CWC22: variants seen among roughly 807,000 people sequenced by gnomAD.
CWC22 encodes the protein pre-mRNA-splicing factor CWC22 homolog.
CWC22 carries 53 observed loss-of-function variants against 117.2 expected under a neutral mutation model. That is an observed-to-expected ratio of 0.45 (90% CI 0.36 to 0.57). The LOEUF (loss-of-function observed/expected upper bound fraction) is 0.57. CWC22 is among the 20% of genes least tolerant of loss of function. CWC22 has a pLI of 0.00. For synonymous variants in CWC22, 360 were observed against 355.6 expected (o/e 1.01, Z -0.14); for missense variants, 980 against 1,068.8 (o/e 0.92, Z 1.16).
At position 179,967,883 on chromosome 2, in the gene CWC22, C is replaced by T. The variant is rs6709587; in HGVS notation, c.1211-1901G>A. Among the ~76,000 whole-genome samples the T allele has an allele frequency of 5.1e-4, 78 of 152,030 alleles. 1 individual carries two copies. The highest frequency in any genetic ancestry group is 1.5e-3 in the African/African-American group (64 of 41,482). On this transcript the variant is annotated intron_variant, in intron 11 of 19. Transcript: ENST00000410053. ...CTATAGTTGTTAGATATTTGGCCAA[C>T]AATTTCTCAAATGCAAACAAACTGA... is the stretch of plus-strand genomic sequence containing the variant.
chr2:179,955,638 C>T (rs1686569993), intron 14 of CWC22, among the ~76,000 whole-genome samples: 1 of 151,872 alleles, frequency 6.6e-6, no homozygotes, highest in Non-Finnish European at 1.5e-5. Context: ...TGGATCTATA[C>T]AAATAAATGG....
intron 5 of CWC22, among the ~76,000 whole-genome samples, chr2:179,979,645 C>G (rs929258381): frequency 1.3e-5 from 2 of 152,078 alleles, no homozygotes; most frequent in Non-Finnish European, 2.9e-5. Flanking sequence ...AAAAAACAGA[C>G]TCACTTTGCG....
intron 1 of CWC22, among the ~76,000 whole-genome samples, chr2:179,999,126 T>C (rs1391887557): frequency 1.3e-5 from 2 of 152,152 alleles, no homozygotes; most frequent in Admixed American, 6.5e-5. Flanking sequence ...ACTGCTATCA[T>C]AGTTCTAACA....
At position 179,945,266 on chromosome 2, in the gene CWC22, A is replaced by C; in HGVS notation, c.2590T>G (p.Ser864Ala). The C allele has an allele frequency of 1.9e-6, 3 of 1,613,586 alleles. No homozygotes were observed. Among genetic ancestry groups the C allele is most frequent in the Non-Finnish European group, 2.5e-6 (3 of 1,179,790 alleles). ...SKEMNRKHSG[S>A]RSDEDRYQNG... ...TGATATCTATCTTCATCACTTCTTG[A>C]GCCTGAGTGCTTTCTATTCATTTCC... The change falls in exon 20 of 20, where the codon TCA becomes GCA. Residue 864 changes from serine (S) to alanine (A), a missense_variant. Coordinates refer to ENST00000410053, the MANE Select transcript of CWC22 (RefSeq NM_020943.3).
chr2:179,974,138 T>A (rs1245499476), intron 6 of CWC22, among the ~76,000 whole-genome samples: 3 of 152,186 alleles, frequency 2.0e-5, no homozygotes, highest in African/African-American at 7.2e-5. Context: ...TAACATTTTT[T>A]AAAAAGTAAA....
In CWC22 at chr2:179,945,376, C is replaced by A. The variant is rs1025032097; in HGVS notation, c.2480G>T (p.Arg827Ile). Residue 827 changes from arginine to isoleucine, a missense_variant, in exon 20 of 20, where the codon AGA becomes ATA. By Grantham distance (97) the Arg-to-Ile change is moderately conservative (BLOSUM62 -3). Around this residue, in one of 3 missense-constraint regions of CWC22, gnomAD observed 306 missense variants for 296.8 expected, o/e 1.03. Coordinates refer to ENST00000410053, the MANE Select transcript of CWC22 (RefSeq NM_020943.3). ...GDPKKKRGER[R>I]NSFSENEKHT... ...CTTCTCATTTTCAGAAAAAGAATTT[C>A]TTCTCTCTCCTCTCTTCTTTTTGGG... The A allele has an allele frequency of 1.9e-6, 3 of 1,566,182 alleles. No individual in the cohort carries two copies. Among genetic ancestry groups the A allele is most frequent in the South Asian group, 1.1e-5 (1 of 89,490 alleles).
At chr2:179,982,729 T>C (rs1171796136) in intron 4 of CWC22, among the ~76,000 whole-genome samples, 6 of 152,196 alleles carry the variant, frequency 3.9e-5, no homozygotes, top group Non-Finnish European at 8.8e-5. Context: ...TTTCTTAAGC[T>C]GAGGCTTTTA....
At chr2:179,978,569 T>C (rs1487761362) in intron 5 of CWC22, among the ~76,000 whole-genome samples, 1 of 152,136 alleles carries the variant, frequency 6.6e-6, no homozygotes, top group Non-Finnish European at 1.5e-5. Context: ...TAAGGATATA[T>C]AAGGATAACA....
intron 19 of CWC22, among the ~76,000 whole-genome samples, chr2:179,946,295 CA>C (rs1199721352): frequency 6.6e-6 from 1 of 151,238 alleles, no homozygotes; most frequent in Admixed American, 6.6e-5. Context: ...ACAAAAAATT[CA>C]AAAAATTAGC....
In CWC22 at chr2:179,945,197, C is replaced by G; in HGVS notation, c.2659G>C (p.Glu887Gln). The change falls in exon 20 of 20, where the codon GAA (glutamate) becomes CAA (glutamine). Residue 887 changes from glutamate to glutamine, a missense_variant. Glu to Gln is a conservative substitution (Grantham distance 29, BLOSUM62 2). Coordinates refer to ENST00000410053, the MANE Select transcript of CWC22 (RefSeq NM_020943.3). ...TTTTTCTTTGATTCTCTGGATTGTT[C>G]AGAGTATCTGCTAGATTTTTCCCAT... The part of the protein sequence containing the change: ...RRWEKSSRYS[E>Q]QSRESKKNQD... 2.5e-6 allele frequency: 4 copies of G among 1,613,562 alleles called. No individual in the cohort carries two copies. Among genetic ancestry groups the G allele is most frequent in the East Asian group, 4.5e-5 (2 of 44,848 alleles).
intron 1 of CWC22, among the ~76,000 whole-genome samples, chr2:179,996,658 G>A (rs1380685106): frequency 6.6e-6 from 1 of 152,002 alleles, no homozygotes; most frequent in Non-Finnish European, 1.5e-5. Context: ...GGAGTGGGGT[G>A]TGGAGGATGA....
chr2:179,992,293 G>A (rs1244621790), intron 2 of CWC22, among the ~76,000 whole-genome samples: 1 of 152,118 alleles, frequency 6.6e-6, no homozygotes, highest in Non-Finnish European at 1.5e-5. Flanking sequence ...GAACAGTTTC[G>A]AAAGCAGATG....
At position 179,964,541 on chromosome 2, in the gene CWC22, C is replaced by A; in HGVS notation, c.1397+6G>T. 6.6e-7 allele frequency: 1 copy of A among 1,505,922 alleles called. No individual in the cohort carries two copies. Among genetic ancestry groups the A allele is most frequent in the Non-Finnish European group, 9.1e-7 (1 of 1,100,490 alleles). The allele number at this position is 1,505,922 out of a possible 1,614,324, so 93.3% of individuals were successfully genotyped here. A position where few individuals can be genotyped will look rare whatever the true frequency, so the allele number is the denominator to read the frequency against. ...AAAAAGGATGAACTGAGATATGATGCCTTACCTTGACTGAATAGCAAGATA... is the reference window on the plus strand; with the variant it reads ...AAAAAGGATGAACTGAGATATGATGACTTACCTTGACTGAATAGCAAGATA... On this transcript the variant is annotated splice_donor_region_variant and intron_variant, in intron 13 of 19. Transcript: ENST00000410053.
At chr2:179,953,175 A>AT (rs55655009) in intron 16 of CWC22, among the ~76,000 whole-genome samples, 13,362 of 151,992 alleles carry the variant, frequency 0.088, 704 homozygotes, top group Non-Finnish European at 0.12. Context: ...TTCTCACTTC[A>AT]TTTTCTCAAA....
At chr2:179,949,253 G>C (rs1057166493) in intron 19 of CWC22, among the ~76,000 whole-genome samples, 10 of 152,128 alleles carry the variant, frequency 6.6e-5, no homozygotes, top group Middle Eastern at 3.2e-3. Flanking sequence ...AGAGAGACAA[G>C]AATGGGACTG....
chr2:179,945,475 C>T lies in CWC22; in HGVS notation c.2381G>A (p.Arg794Gln), dbSNP rs1046356. Reference sequence around the variant, plus strand: ...ATTCGCAACTCTACTGTAGTTATTTCGTTCAGAAGGAACATCTTTGTCTGA... The same window carrying T: ...ATTCGCAACTCTACTGTAGTTATTTTGTTCAGAAGGAACATCTTTGTCTGA... ...YTSDKDVPSE[R>Q]NNYSRVANDR... The change falls in exon 20 of 20, where the codon CGA becomes CAA. Residue 794 changes from arginine (R) to glutamine (Q), a missense_variant. Transcript: ENST00000410053. The T allele has an allele frequency of 0.068, 109,811 of 1,612,780 alleles. 5,001 individuals carry two copies. The highest frequency in any genetic ancestry group is 0.28 in the East Asian group (12,336 of 44,816).
intron 17 of CWC22, among the ~76,000 whole-genome samples, chr2:179,951,743 C>T (rs1686454009): frequency 6.6e-6 from 1 of 151,858 alleles, no homozygotes; most frequent in Admixed American, 6.6e-5. Flanking sequence ...GTATATGAAG[C>T]CAAGAGAAGT....
Position 179,954,212 on chromosome 2 carries a change from G to A in CWC22, c.1682C>T (p.Pro561Leu), listed in dbSNP as rs773217796. 11 of 1,609,318 alleles carry A rather than the reference G, an allele frequency of 6.8e-6. No homozygotes were observed. The highest frequency in any genetic ancestry group is 8.5e-6 in the Non-Finnish European group (10 of 1,177,082). ...ATTGACCCATGTACTTACACTCCAT[G>A]GAAGTGAATCAGTGTATAAAAGGTG... ...FAHLLYTDSL[P>L]WSVLECIKLS... Residue 561 changes from proline (P) to leucine (L), a missense_variant, in exon 16 of 20, where the codon CCA (proline) becomes CTA (leucine). Transcript: ENST00000410053.
intron 11 of CWC22, 124 bp from the exon 12 acceptor site, chr2:179,966,106 A>C (rs182098557): frequency 8.6e-5 from 57 of 665,696 alleles, no homozygotes; most frequent in Admixed American, 6.9e-4. Context: ...TAGCCAACAA[A>C]GATAACCACC....
Sources: gnomAD v4.1 joint callset for allele counts (sites outside exome capture counted in the v4.1 genomes callset) on GRCh38, gnomAD v4.1.1 for gene constraint, gnomAD v4.1.1 regional missense constraint, MANE v1.5 for transcripts, NCBI Gene and HGNC (gene_info 2026-07-23, HGNC 2026-07-21) for gene names.